SUSD5: variants seen among roughly 807,000 people sequenced by gnomAD.
SUSD5 encodes the protein sushi domain-containing protein 5.
SUSD5 carries 33 observed loss-of-function variants against 29.5 expected under a neutral mutation model. The observed-to-expected ratio is 1.12, with a 90% confidence interval of 0.85 to 1.49. The LOEUF (loss-of-function observed/expected upper bound fraction) is 1.49, where lower values mean the gene tolerates loss of function less well. Among genes scored for constraint, SUSD5 ranks in the 40% most tolerant of loss-of-function variants. The pLI, the probability that SUSD5 is intolerant of heterozygous loss-of-function variation, is 0.00. For missense variants in SUSD5, 776 were observed against 800.6 expected, an observed-to-expected ratio of 0.97 and a Z score of 0.37; for synonymous variants, 308 against 325.3, an observed-to-expected ratio of 0.95 and a Z score of 0.57.
chr3:33,155,262 G>C (rs2031024798), intron 4 of SUSD5, among the ~76,000 whole-genome samples: 1 of 152,272 alleles, frequency 6.6e-6, no homozygotes, highest in East Asian at 1.9e-4. Context: ...TAGAAAAATT[G>C]GCAAGATAGT....
intron 3 of SUSD5, among the ~76,000 whole-genome samples, chr3:33,183,254 T>C (rs1285468406): frequency 6.6e-6 from 1 of 152,194 alleles, no homozygotes; most frequent in Non-Finnish European, 1.5e-5. Context: ...TATAATTGGA[T>C]AACCACTATA....
At chr3:33,166,426 CTT>C (rs2031306106) in intron 4 of SUSD5, among the ~76,000 whole-genome samples, 1 of 152,186 alleles carries the variant, frequency 6.6e-6, no homozygotes, top group South Asian at 2.1e-4. Flanking sequence ...CTTGATGGTG[CTT>C]GACACTTGAA....
chr3:33,182,024 G>A lies in SUSD5; in HGVS notation c.410-6950C>T, dbSNP rs150589836. On this transcript the variant is annotated intron_variant, in intron 3 of 4. Coordinates refer to ENST00000309558, the MANE Select transcript of SUSD5 (RefSeq NM_015551.2). ...CTTTTTTGAGTTTTCTAAAGTGGAGGCTAAGATTATTGATTTTAGATCTTT... is the reference window on the plus strand; with the variant it reads ...CTTTTTTGAGTTTTCTAAAGTGGAGACTAAGATTATTGATTTTAGATCTTT... 1.5e-3 allele frequency among the ~76,000 whole-genome samples: 222 copies of A among 152,242 alleles called. 1 individual carries two copies. Among genetic ancestry groups the A allele is most frequent in the African/African-American group, 5.2e-3 (216 of 41,530 alleles).
At chr3:33,202,188 T>C (rs1029625458) in intron 3 of SUSD5, among the ~76,000 whole-genome samples, 4 of 152,200 alleles carry the variant, frequency 2.6e-5, no homozygotes, top group South Asian at 2.1e-4. Flanking sequence ...TCCATGGTAA[T>C]GAGCTCAGAG....
intron 3 of SUSD5, among the ~76,000 whole-genome samples, chr3:33,175,442 A>C (rs1458647268): frequency 6.6e-6 from 1 of 152,040 alleles, no homozygotes; most frequent in Non-Finnish European, 1.5e-5. Context: ...CAAAGGCTAA[A>C]TGTTACAGAC....
chr3:33,205,610 G>C (rs2125631615), intron 3 of SUSD5, among the ~76,000 whole-genome samples: 1 of 152,314 alleles, frequency 6.6e-6, no homozygotes, highest in East Asian at 1.9e-4. Context: ...ATGCATTACA[G>C]TTGTGGGCAA....
Position 33,218,720 on chromosome 3 carries a change from C to T in SUSD5, c.78G>A (p.Leu26=). ...GCACCGAAAGGCGCGGCAGACCGAG[C>T]AGGAGCAGCGCCGCCGCCCAGAGCC... ...LPGLWAAALL[L]LGLPRLSVRA... is the part of the protein sequence containing the mutation. Residue 26 remains leucine, a synonymous_variant, in exon 1 of 5, where the codon CTG becomes CTA. Coordinates refer to ENST00000309558, the MANE Select transcript of SUSD5 (RefSeq NM_015551.2). 3.7e-6 allele frequency: 5 copies of T among 1,340,254 alleles called. No individual in the cohort carries two copies. The highest frequency in any genetic ancestry group is 3.8e-6 in the Non-Finnish European group (4 of 1,049,872). The allele number at this position is 1,340,254 out of a possible 1,614,324, so 83.0% of individuals were successfully genotyped here. A position where few individuals can be genotyped will look rare whatever the true frequency, so the allele number is the denominator to read the frequency against.
Position 33,167,035 on chromosome 3 carries a change from T to C in SUSD5, c.598+7851A>G, listed in dbSNP as rs1212240755. Among the ~76,000 whole-genome samples the C allele has an allele frequency of 6.6e-6, 1 of 151,922 alleles. No homozygotes were observed. The highest frequency in any genetic ancestry group is 1.5e-5 in the Non-Finnish European group (1 of 67,984). On this transcript the variant is annotated intron_variant, in intron 4 of 4. Transcript: ENST00000309558. This position sits in a 1 kb window ranked among gnomAD's most constrained non-coding sequence, Gnocchi z 4.1. The stretch of plus-strand genomic sequence containing the variant: ...CTCTACTAAAAGTACAAAAATTAGC[T>C]GAGCGTGGTGGTGCGTGCCTGTAAT...
chr3:33,214,203 C>G (rs1000824584), intron 1 of SUSD5, 98 bp from the exon 2 acceptor site: 44 of 1,254,632 alleles, frequency 3.5e-5, no homozygotes, highest in Non-Finnish European at 4.5e-5. Context: ...GAACTGTAGT[C>G]CTTGCCTGAA....
At chr3:33,212,238 A>G (rs1452152277) in intron 2 of SUSD5, among the ~76,000 whole-genome samples, 1 of 152,162 alleles carries the variant, frequency 6.6e-6, no homozygotes, top group Non-Finnish European at 1.5e-5. Context: ...TCAATTTAAA[A>G]AATAAAATTA....
At chr3:33,183,243 A>G (rs2031709426) in intron 3 of SUSD5, among the ~76,000 whole-genome samples, 1 of 152,128 alleles carries the variant, frequency 6.6e-6, no homozygotes. Context: ...GTGATCATTG[A>G]TATAATTGGA....
At chr3:33,177,958 ATTTTC>A (rs994495585) in intron 3 of SUSD5, among the ~76,000 whole-genome samples, 59 of 151,046 alleles carry the variant, frequency 3.9e-4, no homozygotes, top group African/African-American at 1.4e-3. Context: ...CGCAATCTAT[ATTTTC>A]TTTTCTTATT....
At chr3:33,191,098 T>C (rs1293260809) in intron 3 of SUSD5, among the ~76,000 whole-genome samples, 1 of 152,090 alleles carries the variant, frequency 6.6e-6, no homozygotes, top group African/African-American at 2.4e-5. Flanking sequence ...TTTTCTTTCC[T>C]GTGATGCCCT....
chr3:33,200,895 C>G lies in SUSD5; in HGVS notation c.409+6913G>C, dbSNP rs527825544. Among the ~76,000 whole-genome samples, 6 of 152,264 alleles carry G rather than the reference C, an allele frequency of 3.9e-5. No individual in the cohort carries two copies. The East Asian group carries it at 1.2e-3, about 29-fold the overall frequency. On this transcript the variant is annotated intron_variant, in intron 3 of 4. Coordinates refer to ENST00000309558, the MANE Select transcript of SUSD5 (RefSeq NM_015551.2). ...ATTTAATATTTGGTTGAGGAAATCT[C>G]TAACCAAAGTTTGAAGGACTGGCCT...
intron 4 of SUSD5, among the ~76,000 whole-genome samples, chr3:33,169,127 G>A (rs2031367682): frequency 6.6e-6 from 1 of 152,212 alleles, no homozygotes; most frequent in Non-Finnish European, 1.5e-5. Flanking sequence ...TGGTAGAAAG[G>A]GGCACAAGGA....
intron 3 of SUSD5, among the ~76,000 whole-genome samples, chr3:33,197,571 G>A (rs1353584481): frequency 6.6e-6 from 1 of 151,924 alleles, no homozygotes; most frequent in Non-Finnish European, 1.5e-5. Flanking sequence ...CAACAATCAA[G>A]GTATAGAACA....
rs547791206 is a variant in SUSD5 at position 33,169,948 on chromosome 3, C to G, written c.598+4938G>C. Among the ~76,000 whole-genome samples the G allele has an allele frequency of 6.6e-5, 10 of 151,722 alleles. No homozygotes were observed. The East Asian group carries it at 1.9e-3, about 30-fold the overall frequency. The stretch of plus-strand genomic sequence containing the variant: ...TTCTTTTTTTTTTGAGACAGAGTCT[C>G]GCTCTATCACCCAGGCTGCAGTGCA... On this transcript the variant is annotated intron_variant, in intron 4 of 4. Coordinates refer to ENST00000309558, the MANE Select transcript of SUSD5 (RefSeq NM_015551.2).
chr3:33,199,536 G>A (rs2032069884), intron 3 of SUSD5, among the ~76,000 whole-genome samples: 1 of 152,206 alleles, frequency 6.6e-6, no homozygotes, highest in Admixed American at 6.5e-5. Context: ...GCCTCCCAAA[G>A]TGCTGGGATT....
chr3:33,218,558 G>C, intron 1 of SUSD5, 128 bp downstream of exon 1: 1 of 873,852 alleles, frequency 1.1e-6, no homozygotes. Context: ...ACCGCGGCTC[G>C]TTCGTTCCTC....
Sources: allele counts gnomAD v4.1 joint callset (sites outside exome capture counted in the v4.1 genomes callset), GRCh38; gene constraint gnomAD v4.1.1; non-coding constraint Gnocchi (gnomAD v3.1); transcripts MANE v1.5; gene names NCBI Gene and HGNC (gene_info 2026-07-23, HGNC 2026-07-21).